The following EXOC7 variants were observed in gnomAD, a reference collection of about 807,000 sequenced individuals.
EXOC7 encodes the protein exocyst complex component 7.
EXOC7 carries 51 observed loss-of-function variants against 87.6 expected under a neutral mutation model. The ratio of observed to expected loss-of-function variants is 0.58; its 90% CI spans 0.46 to 0.73. The LOEUF (loss-of-function observed/expected upper bound fraction) is 0.73. EXOC7 is among the 30% of genes least tolerant of loss of function. EXOC7 has a pLI of 0.00. For synonymous variants in EXOC7, 327 were observed against 357.1 expected (o/e 0.92, Z 0.95); for missense variants, 744 against 888.4 (o/e 0.84, Z 2.07).
Position 76,086,963 on chromosome 17 carries a change from G to A in EXOC7, c.1429+691C>T, listed in dbSNP as rs749943662. On this transcript the variant is annotated intron_variant, in intron 12 of 18. Transcript: ENST00000589210. ...CAAAGGAGGGAGAAAGATGCAAAGT[G>A]CAAAAAACAGGTTAGAAACGGCATG... 2,030 of 1,393,202 alleles carry A rather than the reference G, an allele frequency of 1.5e-3. 5 individuals are homozygous for A. The highest frequency in any genetic ancestry group is 1.8e-3 in the Non-Finnish European group (1,850 of 1,006,356). 86.3% of individuals were successfully genotyped at this position (1,393,202 alleles called of 1,614,324 possible).
chr17:76,098,328 G>T (rs183818929), intron 4 of EXOC7, among the ~76,000 whole-genome samples: 127 of 151,554 alleles, frequency 8.4e-4, no homozygotes, highest in African/African-American at 2.7e-3. Context: ...GTAGAGACGG[G>T]GTTTCACCAT....
At position 76,090,498 on chromosome 17, in the gene EXOC7, G is replaced by A. The variant is rs1421541200; in HGVS notation, c.901+645C>T. Reference sequence around the variant, plus strand: ...GAAGAAGCCCTTCATCTCCAGGAGGGGGACGTCAGATGGGGATGGGGAAGG... The same window carrying A: ...GAAGAAGCCCTTCATCTCCAGGAGGAGGACGTCAGATGGGGATGGGGAAGG... On this transcript the variant is annotated intron_variant, in intron 7 of 18. Transcript: ENST00000589210. 2.6e-6 allele frequency: 4 copies of A among 1,550,276 alleles called. No homozygotes were observed. In the Admixed American group the frequency reaches 7.8e-5, roughly 30 times the overall value.
chr17:76,096,123 C>T (rs543731581), intron 5 of EXOC7, among the ~76,000 whole-genome samples: 120 of 152,258 alleles, frequency 7.9e-4, no homozygotes, highest in Middle Eastern at 6.8e-3. Flanking sequence ...ACATCGCGGC[C>T]GTGAGACCTG....
chr17:76,081,581 GCT>G lies in EXOC7; in HGVS notation c.*2065_*2066del. ...GAACACGGCGCTCAAGTCCATCATC[GCT>G]CTCTTGGTGCCTGCAGAGGCACTGC... is the stretch of plus-strand genomic sequence containing the variant. On this transcript the variant is annotated 3_prime_UTR_variant, in exon 19 of 19. Coordinates refer to ENST00000589210, the MANE Select transcript of EXOC7 (RefSeq NM_001013839.4). The G allele has an allele frequency of 6.2e-7, 1 of 1,613,804 alleles. No individual in the cohort carries two copies.
rs773699010 is a variant in EXOC7, at chr17:76,097,909, C to T, written c.527G>A (p.Gly176Asp). 1.2e-6 allele frequency: 2 copies of T among 1,614,016 alleles called. No homozygotes were observed. The highest frequency in any genetic ancestry group is 2.2e-5 in the East Asian group (1 of 44,868). The change falls in exon 5 of 19, where the codon GGT (glycine) becomes GAT (aspartate). Residue 176 changes from glycine (G) to aspartate (D), a missense_variant. By Grantham distance (94) the Gly-to-Asp change is moderately conservative. Transcript: ENST00000589210. ...SPVLILDLIS[G>D]DDDLEAQEDV... ...CTCCTGGGCCTCCAGATCATCGTCACCACTGATCAGATCCAAGATGAGCAC... is the reference window on the plus strand; with the variant it reads ...CTCCTGGGCCTCCAGATCATCGTCATCACTGATCAGATCCAAGATGAGCAC...
intron 14 of EXOC7, 63 bp from the exon 15 acceptor site, chr17:76,085,472 C>T: frequency 4.6e-6 from 7 of 1,532,136 alleles, no homozygotes; most frequent in South Asian, 1.1e-5. Flanking sequence ...CCAAAGGCTG[C>T]GGCAATGCCG....
intron 15 of EXOC7, 115 bp downstream of exon 15, chr17:76,085,199 G>T: frequency 1.2e-6 from 1 of 816,682 alleles, no homozygotes; most frequent in East Asian, 2.7e-5. Flanking sequence ...TGGAGGATTA[G>T]GGTCCAGAGG....
At chr17:76,087,169 A>C in intron 12 of EXOC7, 1 of 447,760 alleles carries the variant, frequency 2.2e-6, no homozygotes, top group Admixed American at 3.7e-5. Flanking sequence ...GGGCCCAGGG[A>C]CCTCAGTGCT....
At chr17:76,101,472 T>A in intron 3 of EXOC7, 96 bp from the exon 4 acceptor site, 1 of 1,512,908 alleles carries the variant, frequency 6.6e-7, no homozygotes. Flanking sequence ...TACAGGGGAC[T>A]CCAGGCTCAA....
intron 7 of EXOC7, chr17:76,090,421 A>T (rs1402398203): frequency 6.4e-7 from 1 of 1,551,682 alleles, no homozygotes; most frequent in South Asian, 1.2e-5. Context: ...GGCCGCACAA[A>T]CACAAGCAGC....
rs2067182228 is a variant in EXOC7, at chr17:76,085,702, T to C, written c.1591A>G (p.Asn531Asp). Reference protein sequence around the residue: ...LSAIFLHNNYNYILKSLEKSE... With the variant: ...LSAIFLHNNYDYILKSLEKSE... ...TTCTCCAGGGACTTGAGGATGTAATTGTAGTTGTTGTGCAGGAAGATGGCG... is the reference window on the plus strand; with the variant it reads ...TTCTCCAGGGACTTGAGGATGTAATCGTAGTTGTTGTGCAGGAAGATGGCG... Residue 531 changes from asparagine (N) to aspartate (D), a missense_variant, in exon 14 of 19, where the codon AAT becomes GAT. By Grantham distance (23) the Asn-to-Asp change is conservative (BLOSUM62 1). Transcript: ENST00000589210. The C allele has an allele frequency of 6.2e-7, 1 of 1,613,968 alleles. No individual in the cohort carries two copies. The highest frequency in any genetic ancestry group is 1.3e-5 in the African/African-American group (1 of 74,920).
Position 76,101,678 on chromosome 17 carries a change from C to T in EXOC7, c.311+1G>A. 6.2e-7 allele frequency: 1 copy of T among 1,610,910 alleles called. No homozygotes were observed. Among genetic ancestry groups the T allele is most frequent in the Non-Finnish European group, 8.5e-7 (1 of 1,178,166 alleles). ...TGACCCTCTGGGCCTCACTCACTCACCCCTCTCTGATGATCTTCTCAGTGT... is the reference window on the plus strand; with the variant it reads ...TGACCCTCTGGGCCTCACTCACTCATCCCTCTCTGATGATCTTCTCAGTGT... On this transcript the variant is annotated splice_donor_variant, in intron 3 of 18. Coordinates refer to ENST00000589210, the MANE Select transcript of EXOC7 (RefSeq NM_001013839.4). LOFTEE classifies it high-confidence loss of function.
chr17:76,102,721 C>T (rs537601285), intron 2 of EXOC7, among the ~76,000 whole-genome samples: 72 of 152,294 alleles, frequency 4.7e-4, no homozygotes, highest in African/African-American at 1.7e-3. Flanking sequence ...CCAGTCTCCC[C>T]TAGGAATAAA....
At chr17:76,090,892 GA>G in intron 7 of EXOC7, 1 of 572,824 alleles carries the variant, frequency 1.7e-6, no homozygotes, top group South Asian at 2.1e-5. Context: ...AGGAGACAAG[GA>G]CAGAGACAGG....
chr17:76,091,266 A>T (rs2067465967), intron 6 of EXOC7, 31 bp from the exon 7 acceptor site: 1 of 1,595,038 alleles, frequency 6.3e-7, no homozygotes. Context: ...AGAGGAGATA[A>T]GAAGACCTAG....
At position 76,082,149 on chromosome 17, in the gene EXOC7, C is replaced by T; in HGVS notation, c.*1499G>A. ...GGTGTGGGTAGAGGCCCCTTGCATCCACCCTGCTGGCTCTCCTGTCCCTGG... is the reference window on the plus strand; with the variant it reads ...GGTGTGGGTAGAGGCCCCTTGCATCTACCCTGCTGGCTCTCCTGTCCCTGG... On this transcript the variant is annotated 3_prime_UTR_variant, in exon 19 of 19. Coordinates refer to ENST00000589210, the MANE Select transcript of EXOC7 (RefSeq NM_001013839.4). 7.3e-7 allele frequency: 1 copy of T among 1,373,572 alleles called. No individual in the cohort carries two copies. Among genetic ancestry groups the T allele is most frequent in the Non-Finnish European group, 9.8e-7 (1 of 1,016,868 alleles). 85.1% of individuals were successfully genotyped at this position (1,373,572 alleles called of 1,614,324 possible). A position where few individuals can be genotyped will look rare whatever the true frequency, so the allele number is the denominator to read the frequency against.
intron 12 of EXOC7, 73 bp from the exon 13 acceptor site, chr17:76,086,218 C>T: frequency 2.1e-6 from 3 of 1,448,308 alleles, no homozygotes; most frequent in Non-Finnish European, 1.9e-6. Context: ...CCAGGCCATG[C>T]AGCAGTCTGA....
In EXOC7 at chr17:76,082,143, T is replaced by G; in HGVS notation, c.*1505A>C. 7.2e-7 allele frequency: 1 copy of G among 1,397,332 alleles called. No homozygotes were observed. Among genetic ancestry groups the G allele is most frequent in the Non-Finnish European group, 9.6e-7 (1 of 1,036,572 alleles). The allele number at this position is 1,397,332 out of a possible 1,614,324, so 86.6% of individuals were successfully genotyped here. ...GGTCCAGGTGTGGGTAGAGGCCCCT[T>G]GCATCCACCCTGCTGGCTCTCCTGT... On this transcript the variant is annotated 3_prime_UTR_variant, in exon 19 of 19. Coordinates refer to ENST00000589210, the MANE Select transcript of EXOC7 (RefSeq NM_001013839.4).
chr17:76,102,610 A>C (rs2068125053), intron 2 of EXOC7, among the ~76,000 whole-genome samples: 1 of 152,220 alleles, frequency 6.6e-6, no homozygotes, highest in African/African-American at 2.4e-5. Context: ...TGCCTCTAAA[A>C]AAAAAAATTT....
Sources: allele counts gnomAD v4.1 joint callset (sites outside exome capture counted in the v4.1 genomes callset), GRCh38; gene constraint gnomAD v4.1.1; transcripts MANE v1.5; gene names NCBI Gene and HGNC (gene_info 2026-07-23, HGNC 2026-07-21).